CSMD3: variants seen among roughly 807,000 people sequenced by gnomAD.
CSMD3 encodes the protein CUB and Sushi multiple domains 3.
Under a neutral mutation model 435.2 loss-of-function variants are expected in CSMD3, and 177 were observed. The observed-to-expected ratio is 0.41, with a 90% CI of 0.36 to 0.46. The LOEUF (loss-of-function observed/expected upper bound fraction) is 0.46, where lower values mean the gene tolerates loss of function less well. Among genes scored for constraint, CSMD3 ranks in the 20% least tolerant of loss-of-function variants. The pLI, the probability that CSMD3 is intolerant of heterozygous loss-of-function variation, is 0.34. For synonymous variants in CSMD3, 1,656 were observed against 1,520.5 expected (o/e 1.09, Z -2.07); for missense variants, 4,265 against 4,504.6 (o/e 0.95, Z 1.52).
At chr8:112,771,999 T>C (rs1273085979) in intron 13 of CSMD3, among the ~76,000 whole-genome samples, 2 of 151,886 alleles carry the variant, frequency 1.3e-5, no homozygotes, top group East Asian at 1.9e-4. Flanking sequence ...ATCAGAAATA[T>C]AAATACTAGA....
At chr8:112,992,227 T>A (rs1304219288) in intron 6 of CSMD3, among the ~76,000 whole-genome samples, 2 of 151,820 alleles carry the variant, frequency 1.3e-5, no homozygotes, top group African/African-American at 4.8e-5. Flanking sequence ...TCTTGCTTTC[T>A]TTCTCCCTCT....
At chr8:112,341,327 TA>T (rs1825088856) in intron 42 of CSMD3, 149 bp downstream of exon 42, 1 of 615,188 alleles carries the variant, frequency 1.6e-6, no homozygotes, top group Non-Finnish European at 2.8e-6. Flanking sequence ...TGCATTGTTC[TA>T]AAAATCTTCC....
At chr8:113,374,765 C>T (rs1278113433) in intron 1 of CSMD3, among the ~76,000 whole-genome samples, 4 of 136,850 alleles carry the variant, frequency 2.9e-5, no homozygotes, top group African/African-American at 1.1e-4. Context: ...GATCTTACTA[C>T]TTATTCAATT....
At chr8:112,807,416 C>G (rs2079115752) in intron 12 of CSMD3, among the ~76,000 whole-genome samples, 1 of 152,052 alleles carries the variant, frequency 6.6e-6, no homozygotes, top group Non-Finnish European at 1.5e-5. Flanking sequence ...ATTTTGAAAG[C>G]TTATGCTTTG....
chr8:112,446,714 A>C (rs1815644206), intron 32 of CSMD3, among the ~76,000 whole-genome samples: 1 of 152,188 alleles, frequency 6.6e-6, no homozygotes, highest in Non-Finnish European at 1.5e-5. Context: ...GCATATATTA[A>C]ATTTGCATAA....
At chr8:112,547,096 G>T (rs1827249223) in intron 27 of CSMD3, among the ~76,000 whole-genome samples, 1 of 152,164 alleles carries the variant, frequency 6.6e-6, no homozygotes, top group African/African-American at 2.4e-5. Flanking sequence ...CGGGGAAGGG[G>T]GGCTCAAATA....
chr8:112,293,428 T>C (rs1819969506), intron 54 of CSMD3, among the ~76,000 whole-genome samples: 1 of 152,112 alleles, frequency 6.6e-6, no homozygotes, highest in Non-Finnish European at 1.5e-5. Context: ...AACAACCAAT[T>C]TTTATGAATA....
At chr8:112,752,801 C>T (rs746693845) in intron 13 of CSMD3, among the ~76,000 whole-genome samples, 1 of 151,820 alleles carries the variant, frequency 6.6e-6, no homozygotes, top group Non-Finnish European at 1.5e-5. Context: ...GAGGTAACAA[C>T]CTCCAAAAGG....
chr8:112,765,657 C>T (rs2077960141), intron 13 of CSMD3, among the ~76,000 whole-genome samples: 1 of 151,656 alleles, frequency 6.6e-6, no homozygotes, highest in Non-Finnish European at 1.5e-5. Context: ...CTTACCATGG[C>T]TAAGTTCTTA....
intron 5 of CSMD3, among the ~76,000 whole-genome samples, chr8:113,040,034 T>C (rs180835750): frequency 6.6e-6 from 1 of 152,196 alleles, no homozygotes; most frequent in African/African-American, 2.4e-5. Context: ...GCATGCCAGG[T>C]AGTGATAAGC....
At chr8:112,753,411 G>A (rs937733488) in intron 13 of CSMD3, among the ~76,000 whole-genome samples, 1 of 152,018 alleles carries the variant, frequency 6.6e-6, no homozygotes, top group Non-Finnish European at 1.5e-5. Context: ...TTTTATAGGA[G>A]GAATATATTT....
At chr8:113,395,773 C>G (rs577899094) in intron 1 of CSMD3, among the ~76,000 whole-genome samples, 4 of 152,154 alleles carry the variant, frequency 2.6e-5, no homozygotes, top group Non-Finnish European at 5.9e-5. Flanking sequence ...GCCATCGTTG[C>G]TGCTCCCTGA....
rs749445679 is a variant in CSMD3, at chr8:112,346,198, G to C, written c.6341C>G (p.Ala2114Gly). The C allele has an allele frequency of 2.5e-6, 4 of 1,607,838 alleles. No homozygotes were observed. The highest frequency in any genetic ancestry group is 3.4e-6 in the Non-Finnish European group (4 of 1,174,346). The change falls in exon 41 of 71, where the codon GCT (alanine) becomes GGT (glycine). Residue 2114 changes from alanine (A) to glycine (G), a missense_variant. Physicochemically the swap from Ala to Gly is moderately conservative, Grantham distance 60. Around this residue, in one of 3 missense-constraint regions of CSMD3, gnomAD observed 3,255 missense variants for 3,380.2 expected, o/e 0.96. Transcript: ENST00000297405. Reference sequence around the variant, plus strand: ...GATCACACCACTGAAGTCTGACATAGCACCACCACACTGAGCTGCAAAATA... The same window carrying C: ...GATCACACCACTGAAGTCTGACATACCACCACCACACTGAGCTGCAAAATA... ...IPICLAQCGG[A>G]MSDFSGVILS... is the part of the protein sequence containing the mutation.
chr8:112,253,015 C>G (rs990549657), intron 63 of CSMD3, among the ~76,000 whole-genome samples: 3 of 151,684 alleles, frequency 2.0e-5, no homozygotes, highest in Non-Finnish European at 4.4e-5. Flanking sequence ...TTAAACTCCA[C>G]GTTAATCATT....
chr8:112,970,878 C>T (rs1307672064), intron 7 of CSMD3, among the ~76,000 whole-genome samples: 4 of 152,034 alleles, frequency 2.6e-5, no homozygotes, highest in Admixed American at 1.3e-4. Flanking sequence ...CCCGCCACCA[C>T]GCCCAGCTAA....
At chr8:113,376,577 T>TAA (rs201863166) in intron 1 of CSMD3, 2 of 709,854 alleles carry the variant, frequency 2.8e-6, no homozygotes, top group Admixed American at 2.7e-5. Flanking sequence ...AACTAATATA[T>TAA]AAAAAAATTG....
At chr8:112,897,692 CTCTGTG>C (rs775418105) in intron 10 of CSMD3, among the ~76,000 whole-genome samples, 2,501 of 56,860 alleles carry the variant, frequency 0.044, 30 homozygotes, top group South Asian at 0.077. Context: ...CTCTCTCTCT[CTCTGTG>C]TGTGTGTGTG....
At chr8:112,472,462 T>TA in intron 32 of CSMD3, 129 bp downstream of exon 32, 1 of 696,322 alleles carries the variant, frequency 1.4e-6, no homozygotes, top group East Asian at 2.6e-5. Flanking sequence ...AATCACTATC[T>TA]AAAAAGAATT....
chr8:112,525,830 T>A (rs192481471), intron 27 of CSMD3, among the ~76,000 whole-genome samples: 20,523 of 125,312 alleles, frequency 0.16, 1,920 homozygotes, highest in Non-Finnish European at 0.22. Flanking sequence ...ATAAAAAATA[T>A]ATATATATAT....
Sources: allele counts gnomAD v4.1 joint callset (sites outside exome capture counted in the v4.1 genomes callset), GRCh38; gene constraint gnomAD v4.1.1; regional missense constraint gnomAD v4.1.1; transcripts MANE v1.5; gene names NCBI Gene and HGNC (gene_info 2026-07-23, HGNC 2026-07-21).